The following DDX60 variants were observed in gnomAD, a reference collection of about 807,000 sequenced individuals.
DDX60 encodes DExD/H-box helicase 60.
A neutral mutation model predicts 212.8 loss-of-function variants in DDX60; 165 were observed. The ratio of observed to expected loss-of-function variants is 0.78; its 90% CI spans 0.68 to 0.88. DDX60 has a LOEUF of 0.88. Among genes scored for constraint, DDX60 ranks in the 40% least tolerant of loss-of-function variants. The probability of loss-of-function intolerance (pLI) is 0.00; values close to 1 mark genes in which losing one functional copy is unlikely to be tolerated. For missense variants in DDX60, 1,905 were observed against 2,003.9 expected, an observed-to-expected ratio of 0.95 and a Z score of 0.94; for synonymous variants, 703 against 685.3, an observed-to-expected ratio of 1.03 and a Z score of -0.40.
At chr4:168,231,183 A>G (rs1190221925) in intron 33 of DDX60, among the ~76,000 whole-genome samples, 1 of 152,060 alleles carries the variant, frequency 6.6e-6, no homozygotes, top group East Asian at 1.9e-4. Context: ...ACAGACCAAT[A>G]ACAAGCAGTG....
chr4:168,253,361 A>C (rs1734290088), intron 26 of DDX60, among the ~76,000 whole-genome samples: 1 of 152,052 alleles, frequency 6.6e-6, no homozygotes, highest in Admixed American at 6.5e-5. Flanking sequence ...CTTGCTCCAC[A>C]TTGCCAATTC....
chr4:168,291,387 T>C (rs1298344754), intron 8 of DDX60, among the ~76,000 whole-genome samples: 1 of 152,200 alleles, frequency 6.6e-6, no homozygotes. Context: ...TCTCTAAATA[T>C]TCTCTATAAG....
intron 12 of DDX60, among the ~76,000 whole-genome samples, chr4:168,284,120 A>C (rs1217595976): frequency 2.0e-5 from 3 of 152,188 alleles, no homozygotes; most frequent in Non-Finnish European, 4.4e-5. Context: ...CACAGTAATG[A>C]AATAACTAAG....
chr4:168,251,129 G>T, intron 27 of DDX60, 23 bp from the exon 28 acceptor site: 2 of 1,579,908 alleles, frequency 1.3e-6, no homozygotes, highest in Non-Finnish European at 8.6e-7. Flanking sequence ...AGACATTTAG[G>T]GATTATGATT....
chr4:168,222,600 A>G (rs942848195), intron 35 of DDX60, among the ~76,000 whole-genome samples: 12 of 152,266 alleles, frequency 7.9e-5, no homozygotes, highest in Middle Eastern at 3.4e-3. Flanking sequence ...ACAAGACTCT[A>G]TTATTAAAAT....
Position 168,298,952 on chromosome 4 carries a change from A to G in DDX60, c.723+3348T>C, listed in dbSNP as rs938021963. Among the ~76,000 whole-genome samples the G allele has an allele frequency of 3.9e-5, 6 of 152,058 alleles. No homozygotes were observed. The South Asian group carries it at 1.2e-3, about 32-fold the overall frequency. Reference sequence around the variant, plus strand: ...CCAAGGAGGGCAGATCATGAGGTCAAGAGATTGAAACCATCCTGGCCAACT... The same window carrying G: ...CCAAGGAGGGCAGATCATGAGGTCAGGAGATTGAAACCATCCTGGCCAACT... On this transcript the variant is annotated intron_variant, in intron 6 of 37. Transcript: ENST00000393743.
At chr4:168,268,091 G>C in intron 20 of DDX60, 108 bp from the exon 21 acceptor site, 1 of 937,826 alleles carries the variant, frequency 1.1e-6, no homozygotes, top group South Asian at 2.0e-5. Flanking sequence ...AGTGTACTTA[G>C]GGGAATAGAC....
chr4:168,220,577 T>C (rs1409906030), intron 37 of DDX60, 78 bp downstream of exon 37: 2 of 848,064 alleles, frequency 2.4e-6, no homozygotes, highest in African/African-American at 1.8e-5. Context: ...ACCTGGCTTA[T>C]AGTAACAGCT....
At chr4:168,264,705 AT>A (rs879392519) in intron 22 of DDX60, among the ~76,000 whole-genome samples, 14 of 152,188 alleles carry the variant, frequency 9.2e-5, no homozygotes, top group Non-Finnish European at 1.8e-4. Flanking sequence ...TGCCTGGCAT[AT>A]GATTAATGCC....
rs864622021 is a variant in DDX60, at chr4:168,280,400, T to C, written c.1913A>G (p.Gln638Arg). 1 of 1,614,176 alleles carries C rather than the reference T, an allele frequency of 6.2e-7. No homozygotes were observed. Reference sequence around the variant, plus strand: ...AGCAGTTAACCCCACCATTTCAACCTGAAGTTTCACACAGCTACTTTTACA... The same window carrying C: ...AGCAGTTAACCCCACCATTTCAACCCGAAGTTTCACACAGCTACTTTTACA... ...KSCKSSCVKL[Q>R]VEMVGLTACL... Residue 638 changes from glutamine to arginine, a missense_variant, in exon 14 of 38, where the codon CAG becomes CGG. Transcript: ENST00000393743.
At chr4:168,325,325 C>A in the DDX60 span, among the ~76,000 whole-genome samples, 1 of 152,142 alleles carries the variant, frequency 6.6e-6, no homozygotes, top group African/African-American at 2.4e-5. Flanking sequence ...TTCTACAAAG[C>A]CCAGATAATT....
intron 22 of DDX60, among the ~76,000 whole-genome samples, chr4:168,263,168 CT>C (rs1352901628): frequency 6.6e-6 from 1 of 152,090 alleles, no homozygotes; most frequent in African/African-American, 2.4e-5. Context: ...TGATTCTTTA[CT>C]TTTATGTGTA....
At position 168,284,015 on chromosome 4, in the gene DDX60, A is replaced by G. The variant is rs944834757; in HGVS notation, c.1562-409T>C. Among the ~76,000 whole-genome samples, 6 of 152,338 alleles carry G rather than the reference A, an allele frequency of 3.9e-5. No homozygotes were observed. The South Asian group carries it at 6.2e-4, about 16-fold the overall frequency. ...CCATAGCCATAGAGCCAGAGCCCAG[A>G]GCATGGCAGCTAAAATGGTAAAATT... is the stretch of plus-strand genomic sequence containing the variant. On this transcript the variant is annotated intron_variant, in intron 12 of 37. Coordinates refer to ENST00000393743, the MANE Select transcript of DDX60 (RefSeq NM_017631.6).
upstream of DDX60, among the ~76,000 whole-genome samples, chr4:168,321,836 A>T (rs1737615112): frequency 1.3e-5 from 2 of 152,322 alleles, no homozygotes; most frequent in South Asian, 4.1e-4. Flanking sequence ...TTCAATTAGA[A>T]CCTATTCAAT....
chr4:168,275,546 A>G (rs1735297501), intron 15 of DDX60, 43 bp from the exon 16 acceptor site: 1 of 1,493,644 alleles, frequency 6.7e-7, no homozygotes, highest in Non-Finnish European at 9.1e-7. Context: ...ACATTGAATT[A>G]GAATATCATT....
rs780452288 is a variant in DDX60 at position 168,246,424 on chromosome 4, C to T, written c.4158G>A (p.Lys1386=). The T allele has an allele frequency of 2.5e-6, 4 of 1,613,800 alleles. No individual in the cohort carries two copies. The highest frequency in any genetic ancestry group is 3.4e-6 in the Non-Finnish European group (4 of 1,179,942). Residue 1386 remains lysine (K), a synonymous_variant, in exon 30 of 38, where the codon AAG becomes AAA. Transcript: ENST00000393743. ...GCAGTGTCCAGCACGGTACCTTTGC[C>T]TTGGCATCCTCTGGGTCATCTCCCT... The part of the protein sequence containing the change: ...ASKGDDPEDA[K]AKVLSVLKHS...
At chr4:168,290,695 C>T (rs940452844) in intron 8 of DDX60, among the ~76,000 whole-genome samples, 11 of 152,048 alleles carry the variant, frequency 7.2e-5, no homozygotes, top group African/African-American at 2.4e-4. Flanking sequence ...TTTCAGACTA[C>T]GTTGGATCTT....
At chr4:168,256,407 A>C (rs553922788) in intron 25 of DDX60, among the ~76,000 whole-genome samples, 1 of 152,278 alleles carries the variant, frequency 6.6e-6, no homozygotes, top group East Asian at 1.9e-4. Flanking sequence ...AATGTCTCCA[A>C]GGTCTGGGCT....
intron 34 of DDX60, 115 bp from the exon 35 acceptor site, chr4:168,224,500 G>A (rs1733180105): frequency 8.1e-6 from 8 of 984,438 alleles, no homozygotes; most frequent in Non-Finnish European, 1.1e-5. Context: ...ATGTAATGAA[G>A]ACTGAAATGT....
Sources: gnomAD v4.1 joint callset for allele counts (sites outside exome capture counted in the v4.1 genomes callset) on GRCh38, gnomAD v4.1.1 for gene constraint, MANE v1.5 for transcripts, NCBI Gene and HGNC (gene_info 2026-07-23, HGNC 2026-07-21) for gene names.